The following DPH6 variants were observed in gnomAD, a reference collection of about 807,000 sequenced individuals.
DPH6 encodes diphthamine biosynthesis 6.
A neutral mutation model predicts 38.2 loss-of-function variants in DPH6; 33 were observed. The observed-to-expected ratio is 0.86, with a 90% confidence interval of 0.65 to 1.15. DPH6 has a LOEUF of 1.15. Among genes scored for constraint, DPH6 ranks in the 50% most tolerant of loss-of-function variants. The pLI is 0.00. For missense variants in DPH6, 325 were observed against 320.0 expected (o/e 1.02, Z -0.12); for synonymous variants, 108 against 103.0 (o/e 1.05, Z -0.30).
rs148151278 is a variant in DPH6, at chr15:35,463,950, T to C, written c.313-9130A>G. On this transcript the variant is annotated intron_variant, in intron 3 of 8. Coordinates refer to ENST00000256538, the MANE Select transcript of DPH6 (RefSeq NM_080650.4). ...TAGAAAACAGCACAGTCGATGTTCT[T>C]AAAAAATTAAAATCTAGTGATAAGA... Among the ~76,000 whole-genome samples the C allele has an allele frequency of 3.5e-3, 536 of 152,218 alleles. 2 individuals carry two copies. Among genetic ancestry groups the C allele is most frequent in the Middle Eastern group, 6.8e-3 (2 of 294 alleles).
At chr15:35,401,464 C>T in intron 6 of DPH6, 1 of 773,448 alleles carries the variant, frequency 1.3e-6, no homozygotes, top group Admixed American at 1.7e-5. Context: ...AAGTGGTGGA[C>T]AGGGTTATGG....
intron 3 of DPH6, among the ~76,000 whole-genome samples, chr15:35,339,314 C>CATTATTATTATTATTATT (rs550954918): frequency 6.7e-6 from 1 of 149,210 alleles, no homozygotes; most frequent in African/African-American, 2.5e-5. Flanking sequence ...GCCTTAATTT[C>CATTATTATTATTATTATT]ATTATTATTA....
At chr15:35,352,221 C>CT (rs558352315) in intron 3 of DPH6, among the ~76,000 whole-genome samples, 5 of 151,078 alleles carry the variant, frequency 3.3e-5, no homozygotes, top group African/African-American at 4.9e-5. Flanking sequence ...TATTGCTTAG[C>CT]TTTTTTTTTG....
chr15:35,388,113 T>C (rs990160701), intron 6 of DPH6, among the ~76,000 whole-genome samples: 2 of 152,226 alleles, frequency 1.3e-5, no homozygotes, highest in Non-Finnish European at 2.9e-5. Flanking sequence ...GTGCTTATTG[T>C]CTTTGGTTCT....
intron 3 of DPH6, among the ~76,000 whole-genome samples, chr15:35,287,499 G>A (rs758764650): frequency 1.1e-4 from 16 of 152,194 alleles, no homozygotes; most frequent in Non-Finnish European, 2.1e-4. Flanking sequence ...TATTAGTTTC[G>A]TGTGTATCAT....
At chr15:35,536,492 G>A (rs1490474378) in intron 3 of DPH6, among the ~76,000 whole-genome samples, 1 of 151,852 alleles carries the variant, frequency 6.6e-6, no homozygotes, top group African/African-American at 2.4e-5. Context: ...AGATAATAAT[G>A]GCAAAGCATC....
At chr15:35,368,744 C>A (rs2140916378), downstream of DPH6, among the ~76,000 whole-genome samples, 1 of 151,732 alleles carries the variant, frequency 6.6e-6, no homozygotes, top group East Asian at 1.9e-4. Flanking sequence ...TGTTAAATAA[C>A]AAAAATAGGG....
chr15:35,161,554 A>G, the DPH6 span, among the ~76,000 whole-genome samples: 1 of 151,942 alleles, frequency 6.6e-6, no homozygotes, highest in Non-Finnish European at 1.5e-5. Context: ...TTGAAACGCT[A>G]ATCTCCAATG....
chr15:35,412,873 T>C (rs1165251693), intron 5 of DPH6, among the ~76,000 whole-genome samples: 1 of 151,544 alleles, frequency 6.6e-6, no homozygotes, highest in East Asian at 1.9e-4. Flanking sequence ...ATTTGTAGGG[T>C]AGAAAAATAC....
the DPH6 span, among the ~76,000 whole-genome samples, chr15:35,200,100 A>G: frequency 1.1e-4 from 17 of 152,174 alleles, no homozygotes; most frequent in Admixed American, 9.8e-4. Context: ...TCCTCAAAAG[A>G]AATTGGCTTG....
intron 3 of DPH6, among the ~76,000 whole-genome samples, chr15:35,501,545 A>T (rs1196597821): frequency 6.6e-6 from 1 of 152,190 alleles, no homozygotes; most frequent in African/African-American, 2.4e-5. Context: ...CAAAGAACTT[A>T]AAGAAAAATT....
At chr15:35,287,434 T>A (rs546643487) in intron 3 of DPH6, among the ~76,000 whole-genome samples, 1 of 152,312 alleles carries the variant, frequency 6.6e-6, no homozygotes, top group African/African-American at 2.4e-5. Flanking sequence ...CAATAAATAA[T>A]GTTTTTTAAA....
intron 3 of DPH6, among the ~76,000 whole-genome samples, chr15:35,266,445 T>C (rs144130202): frequency 6.6e-6 from 1 of 152,322 alleles, no homozygotes; most frequent in East Asian, 1.9e-4. Context: ...ATATATAATA[T>C]ATGGCTACAG....
the DPH6 span, among the ~76,000 whole-genome samples, chr15:35,168,318 G>A: frequency 3.3e-5 from 5 of 152,104 alleles, no homozygotes; most frequent in African/African-American, 1.2e-4. Context: ...GCCTTGAAAA[G>A]AGAAGAGAAT....
chr15:35,264,055 A>G (rs1432891899), intron 3 of DPH6, among the ~76,000 whole-genome samples: 1 of 151,434 alleles, frequency 6.6e-6, no homozygotes, highest in Non-Finnish European at 1.5e-5. Flanking sequence ...GTCCATGCTG[A>G]CTTTTCACAC....
Position 35,504,186 on chromosome 15 carries a change from A to G in DPH6, c.312+34088T>C, listed in dbSNP as rs376845169. Among the ~76,000 whole-genome samples the G allele has an allele frequency of 8.5e-5, 13 of 152,124 alleles. No individual in the cohort carries two copies. In the East Asian group the frequency reaches 2.1e-3, roughly 25 times the overall value. On this transcript the variant is annotated intron_variant, in intron 3 of 8. Transcript: ENST00000256538. The stretch of plus-strand genomic sequence containing the variant: ...TTCAAAAACTCCCCATTACTTACAG[A>G]ATGGGGTCTCCAAACTCCTCAGCAA...
At chr15:35,520,668 AAAT>A (rs1328170228) in intron 3 of DPH6, 1 of 985,054 alleles carries the variant, frequency 1.0e-6, no homozygotes, top group Admixed American at 6.2e-5. Flanking sequence ...GGTAATTTGA[AAAT>A]AATATCCTGA....
chr15:35,304,377 C>T (rs930291878), intron 3 of DPH6, among the ~76,000 whole-genome samples: 2 of 152,082 alleles, frequency 1.3e-5, no homozygotes, highest in South Asian at 4.1e-4. Context: ...AAGATTTTAG[C>T]ACACCCTCTG....
At chr15:35,346,533 T>C (rs1483665764) in intron 3 of DPH6, among the ~76,000 whole-genome samples, 1 of 152,138 alleles carries the variant, frequency 6.6e-6, no homozygotes, top group African/African-American at 2.4e-5. Flanking sequence ...TCAATCAGTA[T>C]TGCCAGAGAT....
Sources: gnomAD v4.1 joint callset for allele counts (sites outside exome capture counted in the v4.1 genomes callset) on GRCh38, gnomAD v4.1.1 for gene constraint, MANE v1.5 for transcripts, NCBI Gene and HGNC (gene_info 2026-07-23, HGNC 2026-07-21) for gene names.